The following CSMD1 variants were observed in gnomAD, a reference collection of about 807,000 sequenced individuals.
The protein encoded by CSMD1 is CUB and sushi domain-containing protein 1.
In CSMD1, 213 loss-of-function variants were observed where a neutral mutation model predicts 417.5. That is an observed-to-expected ratio of 0.51 (90% CI 0.46 to 0.57). CSMD1 has a LOEUF of 0.57. CSMD1 is among the 20% of genes least tolerant of loss of function. The pLI, the probability that CSMD1 is intolerant of heterozygous loss-of-function variation, is 0.00. For missense variants in CSMD1, 6,923 were observed against 4,529.7 expected (o/e 1.53, Z -15.17); for synonymous variants, 2,862 against 1,736.8 (o/e 1.65, Z -16.11).
chr8:3,757,435 G>C (rs892014286), intron 5 of CSMD1, among the ~76,000 whole-genome samples: 4 of 152,080 alleles, frequency 2.6e-5, no homozygotes, highest in Non-Finnish European at 4.4e-5. Context: ...CAATTTTTTT[G>C]TGTCACAAAA....
At chr8:4,075,480 A>G (rs546572280) in intron 3 of CSMD1, among the ~76,000 whole-genome samples, 1 of 152,292 alleles carries the variant, frequency 6.6e-6, no homozygotes, top group African/African-American at 2.4e-5. Context: ...TGTTACAGGT[A>G]AAATAAAGTG....
chr8:4,438,969 C>T (rs552017762), intron 2 of CSMD1, among the ~76,000 whole-genome samples: 12 of 152,214 alleles, frequency 7.9e-5, no homozygotes, highest in Admixed American at 4.6e-4. Context: ...AAGTCATGAG[C>T]GCTTCATCAG....
Position 4,020,862 on chromosome 8 carries a change from A to G in CSMD1, c.610+11043T>C, listed in dbSNP as rs562859737. On this transcript the variant is annotated intron_variant, in intron 4 of 69. Coordinates refer to ENST00000635120, the MANE Select transcript of CSMD1 (RefSeq NM_033225.6). ...TTATCTTTTGCCTAAACTAATTTTA[A>G]AAGGGACCCTATTTTTGGTCCTACT... Among the ~76,000 whole-genome samples, 20 of 152,334 alleles carry G rather than the reference A, an allele frequency of 1.3e-4. 1 individual carries two copies. The South Asian group carries it at 3.9e-3, about 30-fold the overall frequency.
At chr8:4,235,942 G>C (rs1219291084) in intron 3 of CSMD1, among the ~76,000 whole-genome samples, 1 of 150,836 alleles carries the variant, frequency 6.6e-6, no homozygotes, top group Non-Finnish European at 1.5e-5. Flanking sequence ...TGTTTACCGT[G>C]AAATTAACCT....
At chr8:4,973,729 G>T (rs1242177406) in intron 1 of CSMD1, among the ~76,000 whole-genome samples, 1 of 152,110 alleles carries the variant, frequency 6.6e-6, no homozygotes, top group East Asian at 1.9e-4. Context: ...TAATAGACTT[G>T]CTGATGTGCA....
chr8:4,256,087 G>C (rs946947409), intron 3 of CSMD1, among the ~76,000 whole-genome samples: 1 of 152,208 alleles, frequency 6.6e-6, no homozygotes, highest in Non-Finnish European at 1.5e-5. Context: ...GCAAACGTAG[G>C]TGAATCCCAG....
At chr8:4,366,029 G>A (rs958328359) in intron 3 of CSMD1, among the ~76,000 whole-genome samples, 1 of 152,068 alleles carries the variant, frequency 6.6e-6, no homozygotes, top group African/African-American at 2.4e-5. Context: ...CTGTCGCCCA[G>A]GTAGTGAGCA....
chr8:4,506,025 GC>G (rs770820112), intron 2 of CSMD1, among the ~76,000 whole-genome samples: 1 of 151,762 alleles, frequency 6.6e-6, no homozygotes, highest in Non-Finnish European at 1.5e-5. Context: ...CTCAAACTCT[GC>G]CCCAAACATA....
chr8:3,514,046 C>G lies in CSMD1; in HGVS notation c.1345-20320G>C, dbSNP rs150419397. ...AATTTTCTTATAATAGCACACAGTT[C>G]TCTTAGGAACACCCTGTGTTCTTTA... On this transcript the variant is annotated intron_variant, in intron 10 of 69. Transcript: ENST00000635120. Among the ~76,000 whole-genome samples, 244 of 152,244 alleles carry G rather than the reference C, an allele frequency of 1.6e-3. 2 individuals are homozygous for G. The highest frequency in any genetic ancestry group is 5.4e-3 in the African/African-American group (226 of 41,532).
intron 20 of CSMD1, among the ~76,000 whole-genome samples, chr8:3,361,674 AAAC>A (rs1320956715): frequency 2.8e-5 from 4 of 142,682 alleles, no homozygotes; most frequent in African/African-American, 1.0e-4. Flanking sequence ...AAAAAAAAAC[AAAC>A]AAAAACATTC....
intron 2 of CSMD1, among the ~76,000 whole-genome samples, chr8:4,635,633 T>A (rs1802774264): frequency 6.6e-6 from 1 of 152,148 alleles, no homozygotes; most frequent in South Asian, 2.1e-4. Flanking sequence ...TAAAATGGAT[T>A]GTCTAATTCT....
At chr8:4,821,117 G>T (rs1156878332) in intron 1 of CSMD1, among the ~76,000 whole-genome samples, 1 of 152,102 alleles carries the variant, frequency 6.6e-6, no homozygotes, top group East Asian at 1.9e-4. Flanking sequence ...TTAAGATCTC[G>T]GTTGTATCAG....
At chr8:4,109,577 G>A (rs1014534106) in intron 3 of CSMD1, among the ~76,000 whole-genome samples, 1 of 152,116 alleles carries the variant, frequency 6.6e-6, no homozygotes, top group Non-Finnish European at 1.5e-5. Context: ...TCAATGTCTG[G>A]AACTACGCAG....
chr8:4,142,850 G>A (rs1459429375), intron 3 of CSMD1, among the ~76,000 whole-genome samples: 2 of 151,046 alleles, frequency 1.3e-5, no homozygotes, highest in Non-Finnish European at 2.9e-5. Context: ...TTGTTGTGCT[G>A]TTTCTAATAT....
At chr8:4,027,496 A>G (rs1053087622) in intron 4 of CSMD1, among the ~76,000 whole-genome samples, 48 of 152,248 alleles carry the variant, frequency 3.2e-4, no homozygotes, top group African/African-American at 1.1e-3. Flanking sequence ...TGATGGCTTT[A>G]TAAGGGTCTT....
At chr8:4,785,938 T>A (rs1287492536) in intron 1 of CSMD1, among the ~76,000 whole-genome samples, 2 of 152,144 alleles carry the variant, frequency 1.3e-5, no homozygotes, top group Non-Finnish European at 2.9e-5. Flanking sequence ...GTCATGCCCC[T>A]GAATTAAAGT....
intron 3 of CSMD1, among the ~76,000 whole-genome samples, chr8:4,169,964 C>T (rs1180093967): frequency 6.6e-6 from 1 of 150,404 alleles, no homozygotes; most frequent in Non-Finnish European, 1.5e-5. Flanking sequence ...TGTTTTCCTC[C>T]ATACTGTATC....
At chr8:3,132,126 C>T (rs889798565) in intron 41 of CSMD1, among the ~76,000 whole-genome samples, 2 of 152,204 alleles carry the variant, frequency 1.3e-5, no homozygotes, top group African/African-American at 2.4e-5. Flanking sequence ...AAAGCCTGCT[C>T]AGTGTGCCTG....
intron 1 of CSMD1, among the ~76,000 whole-genome samples, chr8:4,677,206 T>G (rs139552978): frequency 0.027 from 4,092 of 150,874 alleles, 138 homozygotes; most frequent in African/African-American, 0.086. Context: ...ACATAATAGT[T>G]CTTAAGTTAC....
Sources: allele counts gnomAD v4.1 joint callset (sites outside exome capture counted in the v4.1 genomes callset), GRCh38; gene constraint gnomAD v4.1.1; transcripts MANE v1.5; gene names NCBI Gene and HGNC (gene_info 2026-07-23, HGNC 2026-07-21).